The following EEF1AKMT1 variants were observed in gnomAD, a reference collection of about 807,000 sequenced individuals.
EEF1AKMT1 encodes the protein EEF1A lysine methyltransferase 1, also known as N-6 adenine-specific DNA methyltransferase 2 (putative).
EEF1AKMT1 carries 18 observed loss-of-function variants against 21.0 expected under a neutral mutation model. The observed-to-expected ratio is 0.86, with a 90% confidence interval of 0.59 to 1.27. EEF1AKMT1 has a LOEUF of 1.27. Among genes scored for constraint, EEF1AKMT1 ranks in the 50% most tolerant of loss-of-function variants. The pLI is 0.00. For missense variants in EEF1AKMT1, 246 were observed against 258.6 expected (o/e 0.95, Z 0.33); for synonymous variants, 109 against 94.8 (o/e 1.15, Z -0.87).
intron 1 of EEF1AKMT1, among the ~76,000 whole-genome samples, chr13:20,765,949 C>T (rs9578316): frequency 0.24 from 36,913 of 151,566 alleles, 5,992 homozygotes; most frequent in East Asian, 0.76. Context: ...CCAGATTGAC[C>T]GCAATTAAGA....
chr13:20,766,982 T>C (rs2059037479), intron 1 of EEF1AKMT1, among the ~76,000 whole-genome samples: 1 of 152,078 alleles, frequency 6.6e-6, no homozygotes, highest in Admixed American at 6.5e-5. Flanking sequence ...CTCATACATA[T>C]ATTTAACTCC....
chr13:20,731,586 A>G (rs2058796091), intron 4 of EEF1AKMT1, among the ~76,000 whole-genome samples: 1 of 152,232 alleles, frequency 6.6e-6, no homozygotes, highest in South Asian at 2.1e-4. Context: ...TGTAAAAGTA[A>G]CAGCTGACAT....
intron 1 of EEF1AKMT1, among the ~76,000 whole-genome samples, chr13:20,765,767 AT>A (rs1044211457): frequency 6.9e-4 from 100 of 145,114 alleles, no homozygotes; most frequent in Admixed American, 1.6e-3. Context: ...TGTTTCTTGA[AT>A]TTTTTTTTTT....
intron 4 of EEF1AKMT1, 92 bp from the exon 5 acceptor site, chr13:20,729,308 C>T (rs2058778070): frequency 1.4e-6 from 2 of 1,455,870 alleles, no homozygotes; most frequent in Non-Finnish European, 1.9e-6. Context: ...AGGCGGACCA[C>T]CGGTGGCAAT....
intron 1 of EEF1AKMT1, among the ~76,000 whole-genome samples, chr13:20,763,457 G>T (rs889807597): frequency 3.5e-4 from 49 of 142,026 alleles, no homozygotes; most frequent in South Asian, 1.3e-3. Context: ...CGAAATTTTT[G>T]TTTTTTTTTT....
intron 4 of EEF1AKMT1, among the ~76,000 whole-genome samples, chr13:20,731,042 G>A (rs1030634066): frequency 1.3e-5 from 2 of 152,192 alleles, no homozygotes; most frequent in African/African-American, 2.4e-5. Flanking sequence ...CCGCCTTTAA[G>A]AGCTGTAACA....
chr13:20,743,639 A>G (rs888289720), intron 2 of EEF1AKMT1, among the ~76,000 whole-genome samples: 1 of 143,208 alleles, frequency 7.0e-6, no homozygotes, highest in Non-Finnish European at 1.5e-5. Flanking sequence ...ATTTATTGTT[A>G]CACTACACTT....
chr13:20,748,715 G>GT lies in EEF1AKMT1; in HGVS notation c.144+8739dup, dbSNP rs796299437. On this transcript the variant is annotated intron_variant, in intron 2 of 4. Transcript: ENST00000382758. Reference sequence around the variant, plus strand: ...TTCTTCACCCTCCTAATGTATAGTTGTTTTTTTTTGGTTTTTTTTTTTTTT... The same window carrying GT: ...TTCTTCACCCTCCTAATGTATAGTTGTTTTTTTTTTGGTTTTTTTTTTTTTT... Among the ~76,000 whole-genome samples, 140 of 105,814 alleles carry GT rather than the reference G, an allele frequency of 1.3e-3. 1 individual carries two copies. Among genetic ancestry groups the GT allele is most frequent in the Middle Eastern group, 0.013 (2 of 158 alleles). The allele number at this position is 105,814 out of a possible 152,430, so 69.4% of individuals were successfully genotyped here. A position where few individuals can be genotyped will look rare whatever the true frequency, so the allele number is the denominator to read the frequency against.
intron 1 of EEF1AKMT1, among the ~76,000 whole-genome samples, chr13:20,766,375 G>C (rs950213092): frequency 4.6e-5 from 7 of 150,912 alleles, no homozygotes; most frequent in African/African-American, 1.7e-4. Context: ...AAACTCAACT[G>C]AAATGTCCAA....
intron 4 of EEF1AKMT1, among the ~76,000 whole-genome samples, chr13:20,729,901 T>A (rs2058782244): frequency 6.6e-6 from 1 of 152,050 alleles, no homozygotes. Flanking sequence ...CCCCAAAACC[T>A]CGGTCAAGTT....
intron 4 of EEF1AKMT1, 72 bp downstream of exon 4, chr13:20,731,769 T>G: frequency 6.7e-7 from 1 of 1,497,682 alleles, no homozygotes; most frequent in South Asian, 1.3e-5. Context: ...GGACTCAGGA[T>G]TTTTTCTTGA....
At chr13:20,752,028 TA>T (rs2058944117) in intron 2 of EEF1AKMT1, among the ~76,000 whole-genome samples, 1 of 152,186 alleles carries the variant, frequency 6.6e-6, no homozygotes, top group South Asian at 2.1e-4. Flanking sequence ...TTATAAGATC[TA>T]AAAGTTTTTT....
intron 1 of EEF1AKMT1, among the ~76,000 whole-genome samples, chr13:20,759,791 C>T (rs1329799618): frequency 2.6e-5 from 4 of 151,988 alleles, no homozygotes; most frequent in South Asian, 2.1e-4. Context: ...TCACACCAGT[C>T]GGAATGGCTA....
At chr13:20,769,548 C>T (rs530928802) in intron 1 of EEF1AKMT1, among the ~76,000 whole-genome samples, 54 of 152,226 alleles carry the variant, frequency 3.5e-4, no homozygotes, top group Middle Eastern at 3.4e-3. Flanking sequence ...AAAGCCATTA[C>T]ACATTCCCAG....
intron 1 of EEF1AKMT1, chr13:20,769,101 G>A (rs1418430555): frequency 1.3e-5 from 2 of 152,166 alleles, no homozygotes; most frequent in Non-Finnish European, 2.9e-5. Flanking sequence ...TGGGAAGTCT[G>A]TGATATGAGT....
rs776999101 is a variant in EEF1AKMT1 at position 20,757,571 on chromosome 13, G to C, written c.28C>G (p.Pro10Ala). The C allele has an allele frequency of 6.2e-7, 1 of 1,614,054 alleles. No homozygotes were observed. Among genetic ancestry groups the C allele is most frequent in the Non-Finnish European group, 8.5e-7 (1 of 1,179,920 alleles). ...GCTAAGGCATGGGCAGAAAGCTGGG[G>C]TGTCTCATCATCTTCCAAATCACTC... is the stretch of plus-strand genomic sequence containing the variant. MSDLEDDET[P>A]QLSAHALAAL... is the part of the protein sequence containing the mutation. Residue 10 changes from proline to alanine, a missense_variant, in exon 2 of 5, where the codon CCC becomes GCC. Pro to Ala is a conservative substitution (Grantham distance 27). Transcript: ENST00000382758.
At chr13:20,735,538 TAGG>T (rs2058821899) in intron 3 of EEF1AKMT1, among the ~76,000 whole-genome samples, 1 of 151,908 alleles carries the variant, frequency 6.6e-6, no homozygotes, top group Non-Finnish European at 1.5e-5. Flanking sequence ...AGTCAGGAAT[TAGG>T]AGAATCTTCC....
chr13:20,733,952 G>A (rs1398932038), intron 3 of EEF1AKMT1, among the ~76,000 whole-genome samples: 5 of 152,188 alleles, frequency 3.3e-5, no homozygotes, highest in African/African-American at 1.2e-4. Flanking sequence ...CAAAGACACT[G>A]CAACAGATAA....
At chr13:20,734,457 A>C (rs1215116765) in intron 3 of EEF1AKMT1, among the ~76,000 whole-genome samples, 3 of 152,198 alleles carry the variant, frequency 2.0e-5, no homozygotes, top group Non-Finnish European at 4.4e-5. Context: ...TAGAGCGTGT[A>C]AGAGGAACTA....
Sources: allele counts gnomAD v4.1 joint callset (sites outside exome capture counted in the v4.1 genomes callset), GRCh38; gene constraint gnomAD v4.1.1; transcripts MANE v1.5; gene names NCBI Gene and HGNC (gene_info 2026-07-23, HGNC 2026-07-21).